GNAL: variants seen among roughly 807,000 people sequenced by gnomAD.
GNAL encodes G protein subunit alpha L.
A neutral mutation model predicts 55.1 loss-of-function variants in GNAL; 18 were observed. The ratio of observed to expected loss-of-function variants is 0.33; its 90% CI spans 0.23 to 0.48. The LOEUF (loss-of-function observed/expected upper bound fraction) is 0.48. Ranked by LOEUF, GNAL falls within the 20% of genes least tolerant of loss-of-function variation. The probability of loss-of-function intolerance (pLI) is 0.99; values close to 1 mark genes in which losing one functional copy is unlikely to be tolerated. For missense variants in GNAL, 412 were observed against 614.1 expected (o/e 0.67, Z 3.48); for synonymous variants, 253 against 237.0 (o/e 1.07, Z -0.62).
intron 1 of GNAL, among the ~76,000 whole-genome samples, chr18:11,737,603 C>G (rs1317268071): frequency 6.6e-6 from 1 of 152,184 alleles, no homozygotes; most frequent in African/African-American, 2.4e-5. Context: ...CAGCCCTTGT[C>G]AGATCAAAGC....
chr18:11,879,061 A>T (rs946507842), intron 11 of GNAL, among the ~76,000 whole-genome samples: 4 of 150,590 alleles, frequency 2.7e-5, no homozygotes, highest in African/African-American at 9.8e-5. Flanking sequence ...CATATGTAAC[A>T]AACCTGCACG....
In GNAL at chr18:11,882,150, T is replaced by C. The variant is rs1222140432; in HGVS notation, c.*1015T>C. ...GACAATGTACCAACATCACAAGCTGTTGCAACCACCTGCTGTTACTTCTCT... is the reference window on the plus strand; with the variant it reads ...GACAATGTACCAACATCACAAGCTGCTGCAACCACCTGCTGTTACTTCTCT... On this transcript the variant is annotated 3_prime_UTR_variant, in exon 12 of 12. Transcript: ENST00000334049. 1 of 152,206 alleles carries C rather than the reference T, an allele frequency of 6.6e-6. No individual in the cohort carries two copies. Among genetic ancestry groups the C allele is most frequent in the Non-Finnish European group, 1.5e-5 (1 of 68,036 alleles). 9.4% of individuals were successfully genotyped at this position (152,206 alleles called of 1,614,324 possible). A position where few individuals can be genotyped will look rare whatever the true frequency, so the allele number is the denominator to read the frequency against.
At chr18:11,851,481 C>G (rs16976750) in intron 5 of GNAL, 1 of 1,504,626 alleles carries the variant, frequency 6.6e-7, no homozygotes, top group Non-Finnish European at 8.8e-7. Flanking sequence ...GCTTCTCAGC[C>G]GGGCCGCCGA....
intron 5 of GNAL, among the ~76,000 whole-genome samples, chr18:11,862,130 C>T (rs1365461212): frequency 1.3e-5 from 2 of 151,960 alleles, no homozygotes; most frequent in Non-Finnish European, 2.9e-5. Flanking sequence ...GCTCCCACCC[C>T]CAGCGCTGTG....
chr18:11,689,944 G>T lies in GNAL; in HGVS notation c.376+5G>T. On this transcript the variant is annotated splice_donor_5th_base_variant and intron_variant, in intron 1 of 11. Transcript: ENST00000334049. ...CGCACCGGCTCCTGCTGCTCGGTAG[G>T]TCCCGGCCGCGAGGTCGGCTGACGC... 7.7e-7 allele frequency: 1 copy of T among 1,296,098 alleles called. No individual in the cohort carries two copies. The allele number at this position is 1,296,098 out of a possible 1,614,324, so 80.3% of individuals were successfully genotyped here. A position where few individuals can be genotyped will look rare whatever the true frequency, so the allele number is the denominator to read the frequency against.
chr18:11,797,988 T>G (rs2034434431), intron 4 of GNAL, among the ~76,000 whole-genome samples: 1 of 152,200 alleles, frequency 6.6e-6, no homozygotes, highest in South Asian at 2.1e-4. Flanking sequence ...ATAACTTAAA[T>G]GAATAAATTA....
Position 11,695,924 on chromosome 18 carries a change from A to ACGCACGCG in GNAL, c.376+5986_376+5987insGCACGCGC, listed in dbSNP as rs1555640058. On this transcript the variant is annotated intron_variant, in intron 1 of 11. Transcript: ENST00000334049. ...TGCTCAGACATGCATGCACGCATGC[A>ACGCACGCG]CACACACACACACACACACACACAC... Among the ~76,000 whole-genome samples, 250 of 141,436 alleles carry ACGCACGCG rather than the reference A, an allele frequency of 1.8e-3. 1 individual carries two copies. The highest frequency in any genetic ancestry group is 6.7e-3 in the African/African-American group (235 of 35,172). 92.8% of individuals were successfully genotyped at this position (141,436 alleles called of 152,430 possible).
rs543177649 is a variant in GNAL, at chr18:11,885,244, G to A, written c.*4109G>A. The A allele has an allele frequency of 7.3e-6, 2 of 274,526 alleles. No individual in the cohort carries two copies. The highest frequency in any genetic ancestry group is 1.2e-4 in the East Asian group (1 of 8,020). 17.0% of individuals were successfully genotyped at this position (274,526 alleles called of 1,614,324 possible). On this transcript the variant is annotated 3_prime_UTR_variant, in exon 12 of 12. Coordinates refer to ENST00000334049, the MANE Select transcript of GNAL (RefSeq NM_182978.4). Reference sequence around the variant, plus strand: ...GCCCATGGCTGAAAGGAGTTAAAACGCCCAGTGGTCATTAAGTGAAACATC... The same window carrying A: ...GCCCATGGCTGAAAGGAGTTAAAACACCCAGTGGTCATTAAGTGAAACATC...
intron 5 of GNAL, among the ~76,000 whole-genome samples, chr18:11,835,469 A>G (rs1377879411): frequency 1.3e-5 from 2 of 151,158 alleles, no homozygotes; most frequent in Non-Finnish European, 3.0e-5. Flanking sequence ...TCTAAAAAGA[A>G]AAAAAAAAGC....
At chr18:11,817,357 G>C (rs1449343296) in intron 4 of GNAL, among the ~76,000 whole-genome samples, 3 of 152,128 alleles carry the variant, frequency 2.0e-5, no homozygotes, top group Non-Finnish European at 4.4e-5. Context: ...TATTCTCGAT[G>C]GTTCTCATGT....
chr18:11,739,961 A>G (rs550178918), intron 1 of GNAL, among the ~76,000 whole-genome samples: 3 of 151,844 alleles, frequency 2.0e-5, no homozygotes, highest in Admixed American at 6.6e-5. Context: ...TCTGCTGCCA[A>G]TTCCACCCGA....
At chr18:11,710,692 T>C (rs139930383) in intron 1 of GNAL, among the ~76,000 whole-genome samples, 1,963 of 152,240 alleles carry the variant, frequency 0.013, 29 homozygotes, top group African/African-American at 0.045. Context: ...TGGCACTTTT[T>C]TCTTTTAGAA....
intron 1 of GNAL, among the ~76,000 whole-genome samples, chr18:11,716,308 G>A (rs1598408827): frequency 6.6e-6 from 1 of 151,364 alleles, no homozygotes; most frequent in Non-Finnish European, 1.5e-5. Flanking sequence ...GTTCGGATGT[G>A]TTCAGAGTTT....
intron 4 of GNAL, among the ~76,000 whole-genome samples, chr18:11,788,804 G>A (rs1331088410): frequency 1.3e-5 from 2 of 149,778 alleles, no homozygotes; most frequent in Non-Finnish European, 3.0e-5. Context: ...GGCTGAGGCA[G>A]GAGAATCGCT....
intron 4 of GNAL, among the ~76,000 whole-genome samples, chr18:11,771,483 T>C (rs2033633852): frequency 6.6e-6 from 1 of 152,120 alleles, no homozygotes; most frequent in African/African-American, 2.4e-5. Context: ...AATACTAAGC[T>C]GAATTGTGTA....
chr18:11,851,196 T>C (rs867387685), intron 5 of GNAL, among the ~76,000 whole-genome samples: 1 of 152,362 alleles, frequency 6.6e-6, no homozygotes, highest in Middle Eastern at 3.4e-3. Context: ...ACTAATGCGT[T>C]AGAATTTTAA....
chr18:11,807,530 A>G (rs556104065), intron 4 of GNAL, among the ~76,000 whole-genome samples: 1 of 152,228 alleles, frequency 6.6e-6, no homozygotes, highest in Non-Finnish European at 1.5e-5. Flanking sequence ...CCGTGGGGGG[A>G]AACCGCAGGT....
chr18:11,769,008 A>G (rs1470230154), intron 4 of GNAL, among the ~76,000 whole-genome samples: 1 of 107,356 alleles, frequency 9.3e-6, no homozygotes, highest in Non-Finnish European at 1.7e-5. Flanking sequence ...TATAGAATAT[A>G]TATATTCTAT....
At chr18:11,768,810 T>C (rs1324908511) in intron 4 of GNAL, among the ~76,000 whole-genome samples, 5 of 135,886 alleles carry the variant, frequency 3.7e-5, no homozygotes, top group South Asian at 4.6e-4. Context: ...AGGAGAATGG[T>C]GTGAACCCGG....
Sources: allele counts gnomAD v4.1 joint callset (sites outside exome capture counted in the v4.1 genomes callset), GRCh38; gene constraint gnomAD v4.1.1; transcripts MANE v1.5; gene names NCBI Gene and HGNC (gene_info 2026-07-23, HGNC 2026-07-21).